Variants in ZC3H7A observed in about 807,000 individuals in gnomAD.
The protein encoded by ZC3H7A is zinc finger CCCH domain-containing protein 7A.
Under a neutral mutation model 125.5 loss-of-function variants are expected in ZC3H7A, and 44 were observed. The observed-to-expected ratio is 0.35, with a 90% CI of 0.28 to 0.45. The LOEUF is 0.45. ZC3H7A is among the 20% of genes least tolerant of loss of function. ZC3H7A has a pLI of 1.00. For synonymous variants in ZC3H7A, 399 were observed against 391.2 expected, an observed-to-expected ratio of 1.02 and a Z score of -0.23; for missense variants, 977 against 1,170.7, an observed-to-expected ratio of 0.83 and a Z score of 2.41.
chr16:11,792,620 G>A (rs7189959), intron 1 of ZC3H7A, among the ~76,000 whole-genome samples: 1,534 of 152,288 alleles, frequency 0.01, 29 homozygotes, highest in African/African-American at 0.036. Context: ...TGCTTTATAC[G>A]TATTAAGTCA....
chr16:11,767,033 T>C (rs1348166798), intron 13 of ZC3H7A, among the ~76,000 whole-genome samples: 1 of 152,214 alleles, frequency 6.6e-6, no homozygotes, highest in Non-Finnish European at 1.5e-5. Context: ...TAATAGATGT[T>C]ATAATAAATG....
Position 11,776,849 on chromosome 16 carries a change from A to G in ZC3H7A, c.367T>C (p.Cys123Arg). The G allele has an allele frequency of 1.9e-6, 3 of 1,613,812 alleles. No individual in the cohort carries two copies. Among genetic ancestry groups the G allele is most frequent in the Non-Finnish European group, 2.5e-6 (3 of 1,179,944 alleles). Residue 123 changes from cysteine (C) to arginine (R), a missense_variant, in exon 5 of 23, where the codon TGC becomes CGC. Physicochemically the swap from Cys to Arg is radical, Grantham distance 180. This residue lies in a region of ZC3H7A where 199 missense variants were observed against 256.1 expected (regional missense o/e 0.78). Transcript: ENST00000355758. ...TTAGATTTCCGATACAGAGCTTTGC[A>G]GTTACTGGCATTTAAACTGAGGACT... ...NIVLSLNASN[C>R]KALYRKSKAL...
At chr16:11,779,491 T>C (rs1328328122) in intron 3 of ZC3H7A, 128 bp from the exon 4 acceptor site, 24 of 787,908 alleles carry the variant, frequency 3.0e-5, no homozygotes, top group Non-Finnish European at 4.3e-5. Flanking sequence ...CTCTAAGAAA[T>C]TGTGAGATGC....
chr16:11,762,978 G>GT (rs1257351240), intron 16 of ZC3H7A: 2 of 447,976 alleles, frequency 4.5e-6, no homozygotes, highest in African/African-American at 4.0e-5. Context: ...GTATCAACTT[G>GT]TATCAGTAAT....
chr16:11,756,438 A>G (rs1193296265), intron 20 of ZC3H7A, 68 bp from the exon 21 acceptor site: 4 of 1,571,942 alleles, frequency 2.5e-6, no homozygotes, highest in African/African-American at 2.7e-5. Flanking sequence ...AACTATGTGC[A>G]TATTTTGTAG....
chr16:11,776,265 C>T, intron 7 of ZC3H7A, 55 bp downstream of exon 7: 7 of 1,517,524 alleles, frequency 4.6e-6, no homozygotes, highest in South Asian at 1.2e-5. Flanking sequence ...AGTAGAATTG[C>T]TCCCATCCTT....
chr16:11,776,490 A>T lies in ZC3H7A; in HGVS notation c.508T>A (p.Leu170Met), dbSNP rs746626796. The change falls in exon 6 of 23, where the codon TTG becomes ATG. Residue 170 changes from leucine to methionine, a missense_variant. Physicochemically the swap from Leu to Met is conservative, Grantham distance 15 (BLOSUM62 2). Coordinates refer to ENST00000355758, the MANE Select transcript of ZC3H7A (RefSeq NM_014153.4). ...TACGCTTTTCTTATTTTAAATCCCA[A>T]TTTCTGAGCTAGTTCTTGAGTTAGT... ...IKLTQELAQKLGFKIRKAYVR... is the reference protein window; with the variant it reads ...IKLTQELAQKMGFKIRKAYVR... 4.3e-6 allele frequency: 7 copies of T among 1,611,790 alleles called. No individual in the cohort carries two copies. In the East Asian group the frequency reaches 1.6e-4, roughly 36 times the overall value.
chr16:11,752,015 C>T (rs532921114), intron 22 of ZC3H7A, among the ~76,000 whole-genome samples: 1 of 150,128 alleles, frequency 6.7e-6, no homozygotes, highest in South Asian at 2.1e-4. Flanking sequence ...AAGTGATTGT[C>T]CTGCCTCAGC....
At position 11,789,251 on chromosome 16, in the gene ZC3H7A, GTA is replaced by G. The variant is rs1160963532; in HGVS notation, c.-34-6865_-34-6864del. ...AAATAAAAAGGTAAAAGTATTCTGTGTATATGTTTGTTTGTTTTTATTTTTTT... is the reference window on the plus strand; with the variant it reads ...AAATAAAAAGGTAAAAGTATTCTGTGTATGTTTGTTTGTTTTTATTTTTTT... On this transcript the variant is annotated intron_variant, in intron 1 of 22. Transcript: ENST00000355758. Among the ~76,000 whole-genome samples the G allele has an allele frequency of 2.6e-5, 4 of 152,130 alleles. No homozygotes were observed. In the East Asian group the frequency reaches 7.7e-4, roughly 29 times the overall value.
Position 11,774,259 on chromosome 16 carries a change from G to A in ZC3H7A, c.880C>T (p.Pro294Ser), listed in dbSNP as rs368956560. The change falls in exon 9 of 23, where the codon CCT becomes TCT. Residue 294 changes from proline (P) to serine (S), a missense_variant. Physicochemically the swap from Pro to Ser is moderately conservative, Grantham distance 74. Around this residue, in one of 3 missense-constraint regions of ZC3H7A, gnomAD observed 342 missense variants for 311.3 expected, o/e 1.10. Coordinates refer to ENST00000355758, the MANE Select transcript of ZC3H7A (RefSeq NM_014153.4). ...DELDDLLDSA[P>S]ETNETVMPSA... Reference sequence around the variant, plus strand: ...ACCATAACAGTTTCATTAGTTTCAGGTGCAGAATCAAGCAGGTCATCTAGT... The same window carrying A: ...ACCATAACAGTTTCATTAGTTTCAGATGCAGAATCAAGCAGGTCATCTAGT... 1 of 1,599,246 alleles carries A rather than the reference G, an allele frequency of 6.3e-7. No individual in the cohort carries two copies. Among genetic ancestry groups the A allele is most frequent in the Non-Finnish European group, 8.5e-7 (1 of 1,169,928 alleles).
Position 11,776,605 on chromosome 16 carries a change from A to C in ZC3H7A, c.466-73T>G, listed in dbSNP as rs1318707059. 8.6e-6 allele frequency: 13 copies of C among 1,507,944 alleles called. No individual in the cohort carries two copies. The East Asian group carries it at 3.0e-4, about 35-fold the overall frequency. 93.4% of individuals were successfully genotyped at this position (1,507,944 alleles called of 1,614,324 possible). On this transcript the variant is annotated intron_variant, in intron 5 of 22. Coordinates refer to ENST00000355758, the MANE Select transcript of ZC3H7A (RefSeq NM_014153.4). ...GTGAAGAAGAATAGACAAAACAGGG[A>C]AGTTTCCCATCAAGACACCTGCTTC...
At chr16:11,759,296 C>A (rs925351131) in intron 19 of ZC3H7A, 9 of 152,196 alleles carry the variant, frequency 5.9e-5, no homozygotes, top group African/African-American at 2.2e-4. Context: ...AATCCTAGTA[C>A]AACTAATTAT....
intron 1 of ZC3H7A, among the ~76,000 whole-genome samples, chr16:11,786,017 G>C (rs1208717893): frequency 6.6e-6 from 1 of 152,210 alleles, no homozygotes; most frequent in Non-Finnish European, 1.5e-5. Flanking sequence ...GACTACAGCA[G>C]TAGTAGAAGA....
At chr16:11,764,229 A>C (rs1288443063) in intron 15 of ZC3H7A, among the ~76,000 whole-genome samples, 1 of 152,126 alleles carries the variant, frequency 6.6e-6, no homozygotes, top group Non-Finnish European at 1.5e-5. Flanking sequence ...CCTGGCCAAC[A>C]TGTTGAAACC....
At position 11,761,518 on chromosome 16, in the gene ZC3H7A, A is replaced by G. The variant is rs1490151289; in HGVS notation, c.2214-7T>C. ...ACGCCGGTCTTTGGTCCACCTAAGA[A>G]AAATGGAGTTCAGAAAAAAACAAAG... On this transcript the variant is annotated splice_region_variant and splice_polypyrimidine_tract_variant and intron_variant, in intron 18 of 22. Transcript: ENST00000355758. 3.1e-6 allele frequency: 5 copies of G among 1,613,726 alleles called. No individual in the cohort carries two copies. The Admixed American group carries it at 5.0e-5, about 16-fold the overall frequency.
chr16:11,762,651 A>G lies in ZC3H7A; in HGVS notation c.2079+20T>C. The stretch of plus-strand genomic sequence containing the variant: ...TCCAGAAAGGACACCAAATGCAGAA[A>G]GTACACAAGAGAAAAATACCTGCGC... On this transcript the variant is annotated intron_variant, in intron 17 of 22. Coordinates refer to ENST00000355758, the MANE Select transcript of ZC3H7A (RefSeq NM_014153.4). 2 of 1,612,848 alleles carry G rather than the reference A, an allele frequency of 1.2e-6. No homozygotes were observed. The highest frequency in any genetic ancestry group is 1.7e-6 in the Non-Finnish European group (2 of 1,179,122).
In ZC3H7A at chr16:11,768,909, C is replaced by T. The variant is rs1596387470; in HGVS notation, c.1173+122G>A. On this transcript the variant is annotated intron_variant, in intron 11 of 22. Coordinates refer to ENST00000355758, the MANE Select transcript of ZC3H7A (RefSeq NM_014153.4). ...ATGTTCCAGAAGTCTTACTTTAACA[C>T]AATTTCCTGCAGCACACACAAAATT... is the stretch of plus-strand genomic sequence containing the variant. 22 of 976,718 alleles carry T rather than the reference C, an allele frequency of 2.3e-5. No individual in the cohort carries two copies. The East Asian group carries it at 5.7e-4, about 25-fold the overall frequency. The allele number at this position is 976,718 out of a possible 1,614,324, so 60.5% of individuals were successfully genotyped here.
At chr16:11,792,933 G>A (rs1174087282) in intron 1 of ZC3H7A, among the ~76,000 whole-genome samples, 2 of 152,096 alleles carry the variant, frequency 1.3e-5, no homozygotes, top group East Asian at 1.9e-4. Context: ...AGAAACACAC[G>A]CATGCGTGTG....
intron 5 of ZC3H7A, 103 bp downstream of exon 5, chr16:11,776,648 A>G: frequency 6.6e-7 from 1 of 1,506,202 alleles, no homozygotes; most frequent in Non-Finnish European, 8.9e-7. Flanking sequence ...TTTATACCCA[A>G]CTGAAGCAGG....
Sources: gnomAD v4.1 joint callset for allele counts (sites outside exome capture counted in the v4.1 genomes callset) on GRCh38, gnomAD v4.1.1 for gene constraint, gnomAD v4.1.1 regional missense constraint, MANE v1.5 for transcripts, NCBI Gene and HGNC (gene_info 2026-07-23, HGNC 2026-07-21) for gene names.